Variants in GALNT14 observed in about 807,000 individuals in gnomAD.
GALNT14 encodes polypeptide N-acetylgalactosaminyltransferase 14.
In GALNT14, 60 loss-of-function variants were observed where a neutral mutation model predicts 77.5. The observed-to-expected ratio is 0.77, with a 90% CI of 0.63 to 0.96. The LOEUF is 0.96. GALNT14 is among the 40% of genes least tolerant of loss of function. The pLI is 0.00. For synonymous variants in GALNT14, 280 were observed against 281.7 expected, an observed-to-expected ratio of 0.99 and a Z score of 0.06; for missense variants, 710 against 731.0, an observed-to-expected ratio of 0.97 and a Z score of 0.33.
At position 31,072,264 on chromosome 2, in the gene GALNT14, CACACACACACACACACA is replaced by C. The variant is rs879721706; in HGVS notation, c.129+65677_129+65693del. 8.9e-3 allele frequency among the ~76,000 whole-genome samples: 558 copies of C among 62,818 alleles called. 3 individuals are homozygous for C. Among genetic ancestry groups the C allele is most frequent in the Middle Eastern group, 0.028 (3 of 106 alleles). The allele number at this position is 62,818 out of a possible 152,430, so 41.2% of individuals were successfully genotyped here. On this transcript the variant is annotated intron_variant, in intron 1 of 14. Coordinates refer to ENST00000349752, the MANE Select transcript of GALNT14 (RefSeq NM_024572.4). ...TGTCTCCTCTCTTTTCTCTCTCTCT[CACACACACACACACACA>C]TACACACACACACACACACACATAC...
chr2:31,130,073 C>G (rs1464984278), intron 1 of GALNT14, among the ~76,000 whole-genome samples: 1 of 152,216 alleles, frequency 6.6e-6, no homozygotes, highest in Non-Finnish European at 1.5e-5. Flanking sequence ...CTTGAAAGAT[C>G]TCTGTAGTGC....
chr2:30,901,563 CAT>C, the GALNT14 span, among the ~76,000 whole-genome samples: 4 of 150,800 alleles, frequency 2.7e-5, no homozygotes, highest in East Asian at 1.9e-4. Context: ...TGTATATGCT[CAT>C]ATATGTGTGT....
intron 1 of GALNT14, among the ~76,000 whole-genome samples, chr2:31,078,688 C>T (rs1182550326): frequency 6.6e-6 from 1 of 152,164 alleles, no homozygotes; most frequent in African/African-American, 2.4e-5. Context: ...TCTCAGGCCC[C>T]GGGGCCACAC....
chr2:31,136,390 G>A (rs1051899251), intron 1 of GALNT14, among the ~76,000 whole-genome samples: 1 of 152,102 alleles, frequency 6.6e-6, no homozygotes, highest in Non-Finnish European at 1.5e-5. Flanking sequence ...TCTACCTACT[G>A]ACAAACCTGT....
At chr2:30,925,859 T>G (rs1241105340) in intron 11 of GALNT14, among the ~76,000 whole-genome samples, 2 of 152,222 alleles carry the variant, frequency 1.3e-5, no homozygotes, top group East Asian at 3.9e-4. Flanking sequence ...TGGGCAAAGC[T>G]GGGGCCAGGG....
chr2:30,969,331 G>GC (rs1222104339), intron 2 of GALNT14, among the ~76,000 whole-genome samples: 1 of 152,208 alleles, frequency 6.6e-6, no homozygotes, highest in Non-Finnish European at 1.5e-5. Flanking sequence ...CGAAGGCACT[G>GC]CCTTGGGGAT....
intron 1 of GALNT14, among the ~76,000 whole-genome samples, chr2:31,012,115 C>T (rs916242710): frequency 3.9e-5 from 6 of 152,262 alleles, no homozygotes; most frequent in South Asian, 2.1e-4. Flanking sequence ...AACAGATAAG[C>T]GCTGGGGATT....
chr2:31,104,434 TCTC>T (rs1490388351), intron 1 of GALNT14, among the ~76,000 whole-genome samples: 4 of 152,078 alleles, frequency 2.6e-5, no homozygotes, highest in African/African-American at 9.7e-5. Context: ...CAAGGACCCT[TCTC>T]CTATATAGTC....
At chr2:31,079,801 C>T (rs532332753) in intron 1 of GALNT14, among the ~76,000 whole-genome samples, 2 of 152,290 alleles carry the variant, frequency 1.3e-5, no homozygotes, top group African/African-American at 4.8e-5. Flanking sequence ...CAACACGGGT[C>T]CCCCATTCTG....
intron 1 of GALNT14, among the ~76,000 whole-genome samples, chr2:31,039,752 G>T (rs149361482): frequency 6.6e-6 from 1 of 151,986 alleles, no homozygotes; most frequent in Non-Finnish European, 1.5e-5. Context: ...GTGCAGGCCC[G>T]CAGGCACACT....
At chr2:31,002,267 T>A (rs979688550) in intron 1 of GALNT14, among the ~76,000 whole-genome samples, 2 of 152,000 alleles carry the variant, frequency 1.3e-5, no homozygotes, top group African/African-American at 4.8e-5. Flanking sequence ...CCATCTCTAC[T>A]AAAAATACAA....
intron 1 of GALNT14, among the ~76,000 whole-genome samples, chr2:31,051,892 T>C (rs909314633): frequency 3.3e-5 from 5 of 152,144 alleles, no homozygotes; most frequent in African/African-American, 4.8e-5. Flanking sequence ...ATTTCGGAAA[T>C]AGCTTGGTGG....
Position 31,045,773 on chromosome 2 carries a change from G to A in GALNT14, c.130-52766C>T, listed in dbSNP as rs1368736737. Among the ~76,000 whole-genome samples, 5 of 152,196 alleles carry A rather than the reference G, an allele frequency of 3.3e-5. No homozygotes were observed. The South Asian group carries it at 6.2e-4, about 19-fold the overall frequency. ...CCACCATGCCTGGCCTTGATAAGCC[G>A]ATTTTAACTGGCCATTTCTCCCTGT... On this transcript the variant is annotated intron_variant, in intron 1 of 14. Transcript: ENST00000349752.
rs1195072901 is a variant in GALNT14, at chr2:31,057,364, GTGTGTGTGTGTA to G, written c.130-64369_130-64358del. 7.8e-4 allele frequency among the ~76,000 whole-genome samples: 66 copies of G among 84,180 alleles called. 1 individual carries two copies. Among genetic ancestry groups the G allele is most frequent in the African/African-American group, 3.6e-3 (63 of 17,294 alleles). 55.2% of individuals were successfully genotyped at this position (84,180 alleles called of 152,430 possible). On this transcript the variant is annotated intron_variant, in intron 1 of 14. Coordinates refer to ENST00000349752, the MANE Select transcript of GALNT14 (RefSeq NM_024572.4). ...CGTATATATATGTGTGTGTGTGTGTGTGTGTGTGTGTATATATATATATATATATACACAGCT... is the reference window on the plus strand; with the variant it reads ...CGTATATATATGTGTGTGTGTGTGTGTATATATATATATATATACACAGCT...
At chr2:30,961,704 G>A (rs1286940317) in intron 3 of GALNT14, among the ~76,000 whole-genome samples, 1 of 146,378 alleles carries the variant, frequency 6.8e-6, no homozygotes, top group Admixed American at 6.9e-5. Context: ...TTTTTGAGAT[G>A]GAGTTTCACT....
intron 1 of GALNT14, chr2:31,125,288 C>T (rs1257691898): frequency 6.9e-7 from 1 of 1,457,298 alleles, no homozygotes; most frequent in Non-Finnish European, 9.4e-7. Context: ...GCAACATGGT[C>T]ATTTCTTTGG....
chr2:31,137,408 C>A (rs1679272003), intron 1 of GALNT14, among the ~76,000 whole-genome samples: 1 of 152,224 alleles, frequency 6.6e-6, no homozygotes, highest in South Asian at 2.1e-4. Context: ...ATTCAACTTC[C>A]AATGCAGCTG....
At chr2:30,945,687 G>T (rs1309803302) in intron 7 of GALNT14, 96 bp downstream of exon 7, 5 of 992,530 alleles carry the variant, frequency 5.0e-6, no homozygotes, top group African/African-American at 4.8e-5. Flanking sequence ...TTCTCGACAA[G>T]CAACTAAGAG....
chr2:30,890,715 A>G, the GALNT14 span, among the ~76,000 whole-genome samples: 3 of 152,230 alleles, frequency 2.0e-5, no homozygotes, highest in Non-Finnish European at 4.4e-5. Context: ...GTCTGAAGCC[A>G]TCACTTCCTC....
Sources: allele counts gnomAD v4.1 joint callset (sites outside exome capture counted in the v4.1 genomes callset), GRCh38; gene constraint gnomAD v4.1.1; transcripts MANE v1.5; gene names NCBI Gene and HGNC (gene_info 2026-07-23, HGNC 2026-07-21).